Variants in PDLIM2 observed in about 807,000 individuals in gnomAD.
PDLIM2 encodes the protein PDZ and LIM domain protein 2.
In PDLIM2, 51 loss-of-function variants were observed where a neutral mutation model predicts 54.1. That is an observed-to-expected ratio of 0.94 (90% confidence interval 0.75 to 1.19). PDLIM2 has a LOEUF of 1.19. Among genes scored for constraint, PDLIM2 ranks in the 50% most tolerant of loss-of-function variants. The pLI, the probability that PDLIM2 is intolerant of heterozygous loss-of-function variation, is 0.00. For synonymous variants in PDLIM2, 398 were observed against 385.6 expected, an observed-to-expected ratio of 1.03 and a Z score of -0.38; for missense variants, 912 against 874.0, an observed-to-expected ratio of 1.04 and a Z score of -0.55.
chr8:22,589,328 G>A lies in PDLIM2; in HGVS notation c.1321G>A (p.Val441Met), dbSNP rs1241517280. The change falls in exon 7 of 10, where the codon GTG becomes ATG. Residue 441 changes from valine (V) to methionine (M), a missense_variant. Physicochemically the swap from Val to Met is conservative, Grantham distance 21. Transcript: ENST00000308354. ...CCTCGGCCGCGCTGGCGACTCGGCG[G>A]TGCTGGTGCTGCCGCCTTCCCCGGG... The A allele has an allele frequency of 2.0e-6, 3 of 1,534,314 alleles. No individual in the cohort carries two copies. The South Asian group carries it at 3.6e-5, about 18-fold the overall frequency.
At chr8:22,581,034 G>T in intron 2 of PDLIM2, 1 of 659,470 alleles carries the variant, frequency 1.5e-6, no homozygotes, top group South Asian at 1.5e-5. Context: ...CTGGGCCCAG[G>T]CTGGGAACAT....
chr8:22,589,078 C>G (rs1237169354), intron 6 of PDLIM2: 1 of 591,314 alleles, frequency 1.7e-6, no homozygotes, highest in African/African-American at 1.9e-5. Flanking sequence ...CTGGCAGTCT[C>G]TGCGCCCTGG....
Position 22,584,908 on chromosome 8 carries a change from C to T in PDLIM2, c.1065+18C>T. ...GCTTCCAGGTAAGCTGGTGCCCTCC[C>T]CTGACAGCCTCAGCACCCTGATCAC... On this transcript the variant is annotated intron_variant, in intron 4 of 9. Coordinates refer to ENST00000308354, the Ensembl canonical transcript of PDLIM2. 3.1e-6 allele frequency: 5 copies of T among 1,614,112 alleles called. No individual in the cohort carries two copies. The highest frequency in any genetic ancestry group is 2.2e-5 in the South Asian group (2 of 91,092).
intron 2 of PDLIM2, 50 bp downstream of exon 1, chr8:22,580,747 C>A: frequency 1.3e-6 from 2 of 1,576,590 alleles, no homozygotes; most frequent in South Asian, 2.2e-5. Flanking sequence ...GAAGCGAGGT[C>A]GGCCCTGTTC....
intron 3 of PDLIM2, among the ~76,000 whole-genome samples, chr8:22,584,293 C>T (rs1023242123): frequency 3.3e-5 from 5 of 151,620 alleles, no homozygotes; most frequent in Non-Finnish European, 7.4e-5. Context: ...GGATTACAGG[C>T]GTGAGCCACC....
chr8:22,589,386 C>G lies in PDLIM2; in HGVS notation c.1367+12C>G. The G allele has an allele frequency of 6.5e-7, 1 of 1,535,644 alleles. No homozygotes were observed. The highest frequency in any genetic ancestry group is 8.7e-7 in the Non-Finnish European group (1 of 1,145,992). On this transcript the variant is annotated intron_variant, in intron 7 of 9. Coordinates refer to ENST00000308354, the Ensembl canonical transcript of PDLIM2. ...TCCTCCAGGCCCAGGTACCAGCAGG[C>G]CCCGGAGGGTCGGGTTGGGGTCTTG... is the stretch of plus-strand genomic sequence containing the variant.
intron 3 of PDLIM2, among the ~76,000 whole-genome samples, chr8:22,583,852 T>TA (rs1800284754): frequency 1.4e-4 from 1 of 7,320 alleles, no homozygotes; most frequent in African/African-American, 5.6e-4. Context: ...CCAGGCAAAA[T>TA]AGAAAAAAAA....
chr8:22,579,115 G>A (rs1415647891), exon 1 of PDLIM2: 6 of 1,274,026 alleles, frequency 4.7e-6, no homozygotes, highest in Admixed American at 4.2e-5. Flanking sequence ...CGGGAGCCCC[G>A]GGCGGGCTCT....
chr8:22,589,805 A>T (rs1440560074), intron 8 of PDLIM2, 64 bp downstream of exon 7: 3 of 1,540,612 alleles, frequency 1.9e-6, no homozygotes, highest in South Asian at 2.4e-5. Context: ...CCCTGACTGG[A>T]TGGGTCAGTG....
intron 1 of PDLIM2, chr8:22,579,600 A>G: frequency 7.3e-7 from 1 of 1,366,696 alleles, no homozygotes; most frequent in Non-Finnish European, 9.4e-7. Flanking sequence ...AACAGAGGCT[A>G]GGCCTGGGCC....
rs1241979313 is a variant in PDLIM2, at chr8:22,592,832, G to A, written c.1632-901G>A. ...GCTCTGTTAAAAATCCAGGCAATGT[G>A]GGACGGACTTACAGTCTTTATGTGA... is the stretch of plus-strand genomic sequence containing the variant. On this transcript the variant is annotated intron_variant, in intron 9 of 9. Coordinates refer to ENST00000308354, the Ensembl canonical transcript of PDLIM2. The A allele has an allele frequency of 2.0e-5, 3 of 152,156 alleles. No homozygotes were observed. The East Asian group carries it at 5.8e-4, about 29-fold the overall frequency. 9.4% of individuals were successfully genotyped at this position (152,156 alleles called of 1,614,324 possible). A position where few individuals can be genotyped will look rare whatever the true frequency, so the allele number is the denominator to read the frequency against.
At chr8:22,594,408 T>G, downstream of PDLIM2, 3 of 1,563,656 alleles carry the variant, frequency 1.9e-6, no homozygotes, top group South Asian at 2.3e-5. Flanking sequence ...TTCTTTTCCC[T>G]CCCTCAAATC....
downstream of PDLIM2, chr8:22,597,393 G>T: frequency 6.6e-6 from 1 of 152,502 alleles, no homozygotes. Flanking sequence ...CCAGGGCTCA[G>T]GTTCCTCTGA....
At chr8:22,593,789 G>C in exon 10 of PDLIM2, 1 of 1,605,610 alleles carries the variant, frequency 6.2e-7, no homozygotes, top group Non-Finnish European at 8.5e-7. Flanking sequence ...TGCTACACCT[G>C]TGCCGACTGT....
At chr8:22,580,180 G>A (rs763646532) in intron 1 of PDLIM2, 3 of 298,250 alleles carry the variant, frequency 1.0e-5, no homozygotes, top group Admixed American at 4.8e-5. Flanking sequence ...GAGTGGAGAG[G>A]AAGTACCGTG....
At position 22,593,381 on chromosome 8, in the gene PDLIM2, G is replaced by C. The variant is rs746532334; in HGVS notation, c.1632-352G>C. 4.4e-5 allele frequency: 9 copies of C among 204,744 alleles called. No individual in the cohort carries two copies. In the South Asian group the frequency reaches 9.5e-4, roughly 22 times the overall value. 12.7% of individuals were successfully genotyped at this position (204,744 alleles called of 1,614,324 possible). ...TACCTGAGGTTGGGAGGGCAAGACC[G>C]TCCTGGCTAACACGGTAAAACCCGT... On this transcript the variant is annotated intron_variant, in intron 9 of 9. Transcript: ENST00000308354.
chr8:22,584,389 A>T (rs907944774), intron 3 of PDLIM2, among the ~76,000 whole-genome samples: 8 of 150,518 alleles, frequency 5.3e-5, no homozygotes, highest in Non-Finnish European at 5.9e-5. Flanking sequence ...GCTCACTACA[A>T]CCTCCATCTC....
exon 1 of PDLIM2, chr8:22,579,263 C>T (rs1800119636): frequency 2.9e-6 from 4 of 1,357,968 alleles, no homozygotes; most frequent in Non-Finnish European, 3.8e-6. Flanking sequence ...GCGGCCCGCC[C>T]TCCCCGGCGC....
intron 9 of PDLIM2, 61 bp downstream of exon 8, chr8:22,591,729 G>A (rs1405279106): frequency 6.9e-7 from 1 of 1,458,690 alleles, no homozygotes; most frequent in African/African-American, 1.4e-5. Flanking sequence ...GGGGGACAGG[G>A]CACTGGATGC....
Sources: gnomAD v4.1 joint callset for allele counts (sites outside exome capture counted in the v4.1 genomes callset) on GRCh38, gnomAD v4.1.1 for gene constraint, MANE v1.5 for transcripts, NCBI Gene and HGNC (gene_info 2026-07-23, HGNC 2026-07-21) for gene names.